Variants in ACOXL observed in about 807,000 individuals in gnomAD.
ACOXL encodes the protein acyl-coenzyme A oxidase-like protein.
In ACOXL, 70 loss-of-function variants were observed where a neutral mutation model predicts 71.9. That is an observed-to-expected ratio of 0.97 (90% CI 0.80 to 1.19). The LOEUF (loss-of-function observed/expected upper bound fraction) is 1.19. Ranked by LOEUF, ACOXL falls within the 50% of genes most tolerant of loss-of-function variation. ACOXL has a pLI of 0.00. For synonymous variants in ACOXL, 253 were observed against 281.6 expected (o/e 0.90, Z 1.02); for missense variants, 703 against 736.3 (o/e 0.95, Z 0.52).
At chr2:110,737,392 C>T (rs1280503342) in intron 1 of ACOXL, among the ~76,000 whole-genome samples, 1 of 152,172 alleles carries the variant, frequency 6.6e-6, no homozygotes, top group African/African-American at 2.4e-5. Context: ...CACCATTTTC[C>T]TTTTCCTATT....
chr2:110,781,251 T>C (rs1243397714), intron 2 of ACOXL, among the ~76,000 whole-genome samples: 1 of 152,148 alleles, frequency 6.6e-6, no homozygotes, highest in East Asian at 1.9e-4. Context: ...AAAAAGCTCA[T>C]GGTGCCTGAT....
chr2:110,744,766 C>G (rs575873793), intron 1 of ACOXL, among the ~76,000 whole-genome samples: 2 of 152,052 alleles, frequency 1.3e-5, no homozygotes, highest in African/African-American at 4.8e-5. Flanking sequence ...TTTGGTGTGC[C>G]GGCAAAAGAC....
chr2:110,739,395 T>C lies in ACOXL; in HGVS notation c.-23+6621T>C, dbSNP rs530613126. 9.1e-4 allele frequency among the ~76,000 whole-genome samples: 138 copies of C among 152,342 alleles called. 1 individual carries two copies. Among genetic ancestry groups the C allele is most frequent in the Admixed American group, 4.0e-3 (61 of 15,306 alleles). On this transcript the variant is annotated intron_variant, in intron 1 of 17. Coordinates refer to ENST00000439055, the MANE Select transcript of ACOXL (RefSeq NM_001142807.4). The stretch of plus-strand genomic sequence containing the variant: ...GACCTTGGAGGCCCCAGGCTCTCCA[T>C]GCACAACGTGAGGCTGGTTAGAAAA...
chr2:110,851,081 GA>G (rs1274202147), intron 10 of ACOXL, among the ~76,000 whole-genome samples: 1 of 152,296 alleles, frequency 6.6e-6, no homozygotes, highest in East Asian at 1.9e-4. Flanking sequence ...CTATAGGGAA[GA>G]AAGCAGACCC....
At chr2:110,824,883 C>A (rs747530165) in intron 9 of ACOXL, among the ~76,000 whole-genome samples, 16 of 152,092 alleles carry the variant, frequency 1.1e-4, no homozygotes, top group Admixed American at 2.0e-4. Context: ...AAATGAGAAA[C>A]TTTGGATTGT....
chr2:110,763,923 G>A (rs1680713543), intron 1 of ACOXL, among the ~76,000 whole-genome samples: 1 of 152,070 alleles, frequency 6.6e-6, no homozygotes, highest in Admixed American at 6.6e-5. Context: ...TATATAGCAG[G>A]CAAATGAGCA....
chr2:110,852,550 C>T (rs1692747606), intron 10 of ACOXL, among the ~76,000 whole-genome samples: 1 of 152,196 alleles, frequency 6.6e-6, no homozygotes, highest in Non-Finnish European at 1.5e-5. Flanking sequence ...CATTTATAGG[C>T]AATTTTTGCT....
In ACOXL at chr2:110,883,425, TA is replaced by T. The variant is rs201723974; in HGVS notation, c.789-25362del. On this transcript the variant is annotated intron_variant, in intron 10 of 17. Coordinates refer to ENST00000439055, the MANE Select transcript of ACOXL (RefSeq NM_001142807.4). ...ACGCCTGGCCCCCTTTCATCACTCT[TA>T]ATAATCAGTCCTAAACTCAGGGCAC... Among the ~76,000 whole-genome samples, 582 of 138,108 alleles carry T rather than the reference TA, an allele frequency of 4.2e-3. 8 individuals carry two copies. The highest frequency in any genetic ancestry group is 0.014 in the African/African-American group (564 of 39,360). The allele number at this position is 138,108 out of a possible 152,430, so 90.6% of individuals were successfully genotyped here.
At chr2:110,849,914 C>G (rs1052118540) in intron 10 of ACOXL, among the ~76,000 whole-genome samples, 9 of 152,186 alleles carry the variant, frequency 5.9e-5, no homozygotes, top group African/African-American at 1.7e-4. Context: ...AAAGGACAGA[C>G]TTGTAGTCCA....
At chr2:110,768,125 C>A (rs1032815417) in intron 1 of ACOXL, among the ~76,000 whole-genome samples, 1 of 152,104 alleles carries the variant, frequency 6.6e-6, no homozygotes, top group Admixed American at 6.5e-5. Context: ...GAGTGAGACA[C>A]CATCTCAAAT....
intron 1 of ACOXL, among the ~76,000 whole-genome samples, chr2:110,748,218 T>C (rs994541191): frequency 6.6e-6 from 1 of 152,152 alleles, no homozygotes; most frequent in Admixed American, 6.5e-5. Flanking sequence ...CTTGGATTCT[T>C]CCTACTTAGC....
intron 12 of ACOXL, chr2:110,968,814 G>A (rs908837059): frequency 4.0e-5 from 16 of 398,092 alleles, no homozygotes; most frequent in Non-Finnish European, 6.1e-5. Flanking sequence ...ACATAACCAG[G>A]CAACAGGATT....
At chr2:110,775,129 C>T (rs1017479544) in intron 2 of ACOXL, among the ~76,000 whole-genome samples, 5 of 152,140 alleles carry the variant, frequency 3.3e-5, no homozygotes, top group South Asian at 2.1e-4. Context: ...CCAAGTATGA[C>T]GTTGGAAGCT....
intron 12 of ACOXL, among the ~76,000 whole-genome samples, chr2:110,958,966 G>C (rs1360763056): frequency 6.6e-6 from 1 of 152,248 alleles, no homozygotes; most frequent in African/African-American, 2.4e-5. Context: ...ACTTGATTCA[G>C]ATACCTTGTC....
intron 12 of ACOXL, among the ~76,000 whole-genome samples, chr2:110,949,660 A>G (rs1285204181): frequency 6.6e-6 from 1 of 152,162 alleles, no homozygotes; most frequent in Non-Finnish European, 1.5e-5. Context: ...TAAAAAAATC[A>G]TTTTTGACTC....
chr2:110,986,823 A>G (rs1300303658), intron 12 of ACOXL, among the ~76,000 whole-genome samples: 5 of 152,208 alleles, frequency 3.3e-5, no homozygotes, highest in Admixed American at 2.6e-4. Flanking sequence ...AGTGTCAGCT[A>G]AAACAGTTGG....
intron 2 of ACOXL, among the ~76,000 whole-genome samples, chr2:110,784,332 T>G (rs1339294228): frequency 1.3e-5 from 2 of 151,794 alleles, no homozygotes; most frequent in Non-Finnish European, 2.9e-5. Flanking sequence ...GCAGAGAGGC[T>G]GCAGGCTGTG....
chr2:111,058,382 CTT>C (rs2066649371), intron 16 of ACOXL, among the ~76,000 whole-genome samples: 1 of 152,160 alleles, frequency 6.6e-6, no homozygotes, highest in African/African-American at 2.4e-5. Context: ...GGATCCCAGA[CTT>C]TTCAGCACAC....
At chr2:110,810,879 T>TA (rs1338290798) in intron 9 of ACOXL, among the ~76,000 whole-genome samples, 1 of 152,200 alleles carries the variant, frequency 6.6e-6, no homozygotes, top group African/African-American at 2.4e-5. Context: ...TTAGGAAACT[T>TA]ACAGTCATGG....
Sources: gnomAD v4.1 joint callset for allele counts (sites outside exome capture counted in the v4.1 genomes callset) on GRCh38, gnomAD v4.1.1 for gene constraint, MANE v1.5 for transcripts, NCBI Gene and HGNC (gene_info 2026-07-23, HGNC 2026-07-21) for gene names.